MACROH2A2: variants seen among roughly 807,000 people sequenced by gnomAD.
MACROH2A2 encodes the protein macroH2A.2 histone.
A neutral mutation model predicts 37.6 loss-of-function variants in MACROH2A2; 6 were observed. The observed-to-expected ratio is 0.16, with a 90% CI of 0.09 to 0.32. MACROH2A2 has a LOEUF of 0.32. Among genes scored for constraint, MACROH2A2 ranks in the 10% least tolerant of loss-of-function variants. The pLI is 1.00. For synonymous variants in MACROH2A2, 192 were observed against 202.7 expected (o/e 0.95, Z 0.45); for missense variants, 290 against 485.9 (o/e 0.60, Z 3.79).
Position 70,107,991 on chromosome 10 carries a change from A to G in MACROH2A2, c.779-1042A>G, listed in dbSNP as rs2072347772. Among the ~76,000 whole-genome samples the G allele has an allele frequency of 6.6e-6, 1 of 152,086 alleles. No homozygotes were observed. Among genetic ancestry groups the G allele is most frequent in the African/African-American group, 2.4e-5 (1 of 41,426 alleles). On this transcript the variant is annotated intron_variant, in intron 7 of 8. Coordinates refer to ENST00000373255, the MANE Select transcript of MACROH2A2 (RefSeq NM_018649.3). The surrounding 1 kb of genome is among the most constrained non-coding windows in gnomAD (Gnocchi z 4.4). ...CCCAGCACTTTGGGTGCCTGAGGCA[A>G]GAGGATCACTTGAGCCCTGGAGTTC...
At chr10:70,078,438 T>C (rs1048033396) in intron 2 of MACROH2A2, among the ~76,000 whole-genome samples, 1 of 152,162 alleles carries the variant, frequency 6.6e-6, no homozygotes, top group African/African-American at 2.4e-5. Flanking sequence ...CTGTGTCCTT[T>C]CCCTCCCTTC....
chr10:70,108,718 T>C (rs888242190), intron 7 of MACROH2A2, among the ~76,000 whole-genome samples: 2 of 152,176 alleles, frequency 1.3e-5, no homozygotes, highest in Non-Finnish European at 2.9e-5. Flanking sequence ...CCAGAGAGGA[T>C]CTGATGTGTC....
chr10:70,102,956 A>T (rs1446515993), intron 7 of MACROH2A2, among the ~76,000 whole-genome samples: 6 of 150,102 alleles, frequency 4.0e-5, no homozygotes, highest in African/African-American at 1.5e-4. Flanking sequence ...CCTCGGCTCC[A>T]GGTCTATAAG....
chr10:70,090,296 A>G (rs1029490960), intron 3 of MACROH2A2, 130 bp downstream of exon 3: 15 of 640,578 alleles, frequency 2.3e-5, no homozygotes, highest in African/African-American at 1.5e-4. Flanking sequence ...CTCAGGCCAT[A>G]TAAAAGAACA....
At chr10:70,056,698 T>C (rs1264496198) in intron 1 of MACROH2A2, among the ~76,000 whole-genome samples, 1 of 152,152 alleles carries the variant, frequency 6.6e-6, no homozygotes, top group Non-Finnish European at 1.5e-5. Context: ...GGAAGGAAGC[T>C]GGATGCAGAT....
At position 70,107,866 on chromosome 10, in the gene MACROH2A2, C is replaced by G. The variant is rs1589842038; in HGVS notation, c.779-1167C>G. 6.6e-6 allele frequency among the ~76,000 whole-genome samples: 1 copy of G among 152,166 alleles called. No homozygotes were observed. The highest frequency in any genetic ancestry group is 2.1e-4 in the South Asian group (1 of 4,824). ...AGCCCCTGCACCAGACCTACTGAGTCAGGACCTCTGGGTGGTCAGTACCCT... is the reference window on the plus strand; with the variant it reads ...AGCCCCTGCACCAGACCTACTGAGTGAGGACCTCTGGGTGGTCAGTACCCT... On this transcript the variant is annotated intron_variant, in intron 7 of 8. Transcript: ENST00000373255. The surrounding 1 kb of genome is among the most constrained non-coding windows in gnomAD (Gnocchi z 4.4).
intron 2 of MACROH2A2, among the ~76,000 whole-genome samples, chr10:70,085,348 A>G (rs901045705): frequency 1.3e-5 from 2 of 152,186 alleles, no homozygotes; most frequent in African/African-American, 4.8e-5. Context: ...ACGGGTGGGT[A>G]GAAGCTGGAG....
chr10:70,108,062 A>G (rs1029023143), intron 7 of MACROH2A2, among the ~76,000 whole-genome samples: 1 of 152,076 alleles, frequency 6.6e-6, no homozygotes, highest in African/African-American at 2.4e-5. Context: ...CTATAAAAAA[A>G]TTTTAAAAAT....
intron 8 of MACROH2A2, 103 bp from the exon 9 acceptor site, chr10:70,111,415 C>A: frequency 9.8e-7 from 1 of 1,022,874 alleles, no homozygotes; most frequent in Non-Finnish European, 1.5e-6. Flanking sequence ...ATGGACTAGC[C>A]CTGCACACAG....
chr10:70,104,466 C>T (rs1013702240), intron 7 of MACROH2A2, among the ~76,000 whole-genome samples: 1 of 151,832 alleles, frequency 6.6e-6, no homozygotes, highest in Non-Finnish European at 1.5e-5. Context: ...CACCTGAGGT[C>T]GGGAGTTTGA....
intron 2 of MACROH2A2, among the ~76,000 whole-genome samples, chr10:70,077,963 A>ATTC (rs1339130134): frequency 2.6e-5 from 4 of 152,156 alleles, no homozygotes; most frequent in African/African-American, 9.7e-5. Flanking sequence ...CAGATGGGGA[A>ATTC]CTAGGACTCC....
At position 70,079,563 on chromosome 10, in the gene MACROH2A2, GCGCA is replaced by G. The variant is rs1554822095; in HGVS notation, c.172+3735_172+3738del. Among the ~76,000 whole-genome samples, 167 of 63,216 alleles carry G rather than the reference GCGCA, an allele frequency of 2.6e-3. 1 individual carries two copies. The highest frequency in any genetic ancestry group is 6.6e-3 in the African/African-American group (117 of 17,686). The allele number at this position is 63,216 out of a possible 152,430, so 41.5% of individuals were successfully genotyped here. ...CCACGTTGAGGGTTCGCGCGCGCGC[GCGCA>G]CACACACACACACACACACACACAC... On this transcript the variant is annotated intron_variant, in intron 2 of 8. Transcript: ENST00000373255.
intron 1 of MACROH2A2, among the ~76,000 whole-genome samples, chr10:70,063,274 T>C (rs1328014085): frequency 6.6e-6 from 1 of 152,210 alleles, no homozygotes; most frequent in Non-Finnish European, 1.5e-5. Context: ...AGTTTCCTGT[T>C]TCTCACCAAA....
intron 2 of MACROH2A2, among the ~76,000 whole-genome samples, chr10:70,080,516 A>G (rs1450855717): frequency 1.3e-5 from 2 of 152,078 alleles, no homozygotes; most frequent in Non-Finnish European, 2.9e-5. Flanking sequence ...TAGGAGGACC[A>G]CTTGAGTCCA....
chr10:70,091,048 T>C (rs2072241997), intron 3 of MACROH2A2, among the ~76,000 whole-genome samples: 1 of 152,236 alleles, frequency 6.6e-6, no homozygotes, highest in East Asian at 1.9e-4. Flanking sequence ...ATGGAATGTA[T>C]GTGCAAGCTT....
chr10:70,058,653 TAC>T (rs1491451459), intron 1 of MACROH2A2, among the ~76,000 whole-genome samples: 1 of 140,752 alleles, frequency 7.1e-6, no homozygotes, highest in East Asian at 2.1e-4. Flanking sequence ...TATATATATA[TAC>T]ACACACACAG....
intron 7 of MACROH2A2, among the ~76,000 whole-genome samples, chr10:70,101,655 C>A (rs192462011): frequency 7.0e-6 from 1 of 143,372 alleles, no homozygotes; most frequent in African/African-American, 2.6e-5. Context: ...AGCAGTCATG[C>A]CCAGTGCCCC....
At chr10:70,105,308 C>A (rs151321316) in intron 7 of MACROH2A2, among the ~76,000 whole-genome samples, 5 of 152,318 alleles carry the variant, frequency 3.3e-5, no homozygotes, top group African/African-American at 1.2e-4. Flanking sequence ...GCCCTGAACA[C>A]TCCTGAATTT....
At chr10:70,069,305 G>A (rs1198342860) in intron 1 of MACROH2A2, among the ~76,000 whole-genome samples, 1 of 152,184 alleles carries the variant, frequency 6.6e-6, no homozygotes, top group African/African-American at 2.4e-5. Context: ...TCGGGGGAAC[G>A]AGCCAGGAGC....
Sources: allele counts gnomAD v4.1 joint callset (sites outside exome capture counted in the v4.1 genomes callset), GRCh38; gene constraint gnomAD v4.1.1; non-coding constraint Gnocchi (gnomAD v3.1); transcripts MANE v1.5; gene names NCBI Gene and HGNC (gene_info 2026-07-23, HGNC 2026-07-21).